The following EXOC6 variants were observed in gnomAD, a reference collection of about 807,000 sequenced individuals.
EXOC6 encodes SEC15-like 1.
Under a neutral mutation model 112.5 loss-of-function variants are expected in EXOC6, and 60 were observed. The ratio of observed to expected loss-of-function variants is 0.53; its 90% CI spans 0.43 to 0.66. The LOEUF (loss-of-function observed/expected upper bound fraction) is 0.66. Among genes scored for constraint, EXOC6 ranks in the 30% least tolerant of loss-of-function variants. The pLI, the probability that EXOC6 is intolerant of heterozygous loss-of-function variation, is 0.00. For missense variants in EXOC6, 855 were observed against 957.1 expected, an observed-to-expected ratio of 0.89 and a Z score of 1.41; for synonymous variants, 295 against 308.0, an observed-to-expected ratio of 0.96 and a Z score of 0.44.
chr10:92,834,822 A>C (rs1481407523), exon 1 of EXOC6: 3 of 1,587,498 alleles, frequency 1.9e-6, no homozygotes, highest in Non-Finnish European at 2.6e-6. Context: ...AAGCTACTTT[A>C]AGGTAGGGCA....
intron 17 of EXOC6, among the ~76,000 whole-genome samples, chr10:92,968,806 T>G (rs1447785273): frequency 6.6e-6 from 1 of 152,194 alleles, no homozygotes; most frequent in Non-Finnish European, 1.5e-5. Context: ...ATTTCATAAA[T>G]AAGAAATTAA....
chr10:93,016,369 G>A (rs1234281760), intron 20 of EXOC6, among the ~76,000 whole-genome samples: 2 of 151,548 alleles, frequency 1.3e-5, no homozygotes, highest in Non-Finnish European at 2.9e-5. Flanking sequence ...TCGAACTCCC[G>A]GCATCAAGTG....
At position 92,867,414 on chromosome 10, in the gene EXOC6, C is replaced by T. The variant is rs574859532; in HGVS notation, c.101+18780C>T. Among the ~76,000 whole-genome samples the T allele has an allele frequency of 1.2e-4, 18 of 152,084 alleles. No individual in the cohort carries two copies. The South Asian group carries it at 2.1e-3, about 18-fold the overall frequency. On this transcript the variant is annotated intron_variant, in intron 1 of 21. Transcript: ENST00000260762. Reference sequence around the variant, plus strand: ...TAATTTGTAGAGAGGATGGGGGAAGCGGGGATGACCCAGAGAAACAGGCAG... The same window carrying T: ...TAATTTGTAGAGAGGATGGGGGAAGTGGGGATGACCCAGAGAAACAGGCAG...
intron 19 of EXOC6, among the ~76,000 whole-genome samples, chr10:93,003,145 G>C (rs953545189): frequency 1.3e-5 from 2 of 152,156 alleles, no homozygotes; most frequent in Non-Finnish European, 2.9e-5. Context: ...TTCTGTGCTA[G>C]ATTTTCCTTT....
chr10:92,999,218 T>TA (rs34012007), intron 19 of EXOC6: 7 of 413,004 alleles, frequency 1.7e-5, no homozygotes, highest in Non-Finnish European at 3.3e-5. Flanking sequence ...TTTTTTTTTT[T>TA]ACAAGTTTTT....
At position 92,915,924 on chromosome 10, in the gene EXOC6, T is replaced by C. The variant is rs769159504; in HGVS notation, c.819+11T>C. On this transcript the variant is annotated intron_variant, in intron 7 of 21. Coordinates refer to ENST00000260762, the MANE Select transcript of EXOC6 (RefSeq NM_019053.6). Reference sequence around the variant, plus strand: ...GAGAATGAAGAAGAGGTGATAGGTGTCTTTCTTTCTTTTCTATTATTAGAT... The same window carrying C: ...GAGAATGAAGAAGAGGTGATAGGTGCCTTTCTTTCTTTTCTATTATTAGAT... 2.0e-6 allele frequency: 3 copies of C among 1,496,060 alleles called. No homozygotes were observed. The highest frequency in any genetic ancestry group is 5.3e-5 in the East Asian group (2 of 38,030). The allele number at this position is 1,496,060 out of a possible 1,614,324, so 92.7% of individuals were successfully genotyped here. A position where few individuals can be genotyped will look rare whatever the true frequency, so the allele number is the denominator to read the frequency against.
At chr10:92,996,102 GAA>G (rs1050943742) in intron 18 of EXOC6, among the ~76,000 whole-genome samples, 1 of 152,000 alleles carries the variant, frequency 6.6e-6, no homozygotes, top group African/African-American at 2.4e-5. Flanking sequence ...AGATAAGTAG[GAA>G]AAATATAATT....
intron 1 of EXOC6, chr10:92,834,916 A>G (rs1313298351): frequency 2.9e-6 from 2 of 688,136 alleles, no homozygotes; most frequent in Non-Finnish European, 4.8e-6. Context: ...AGAGTAAAAA[A>G]TATTCTTGCA....
intron 5 of EXOC6, among the ~76,000 whole-genome samples, chr10:92,907,560 A>G (rs1850514519): frequency 6.6e-6 from 1 of 152,160 alleles, no homozygotes; most frequent in Admixed American, 6.6e-5. Context: ...TACTGGTAAT[A>G]CTTTTCATTT....
intron 8 of EXOC6, among the ~76,000 whole-genome samples, chr10:92,926,257 A>C (rs562406995): frequency 2.6e-5 from 4 of 152,040 alleles, no homozygotes; most frequent in Admixed American, 1.3e-4. Context: ...TGATAATTTC[A>C]CTCAGAAGAA....
chr10:92,911,955 G>A (rs927152233), intron 6 of EXOC6, among the ~76,000 whole-genome samples: 2 of 150,116 alleles, frequency 1.3e-5, no homozygotes, highest in Non-Finnish European at 3.0e-5. Flanking sequence ...GTGTGTGTGT[G>A]TGTGTGTGTG....
At chr10:92,883,617 A>C (rs1322485392) in intron 1 of EXOC6, among the ~76,000 whole-genome samples, 3 of 152,196 alleles carry the variant, frequency 2.0e-5, no homozygotes, top group Non-Finnish European at 2.9e-5. Context: ...TATATGCTAG[A>C]AATTAAGCTT....
At chr10:92,858,473 A>G (rs766427859) in intron 1 of EXOC6, among the ~76,000 whole-genome samples, 24 of 151,840 alleles carry the variant, frequency 1.6e-4, no homozygotes, top group African/African-American at 5.8e-4. Flanking sequence ...CTCTGATTGC[A>G]TAATCAGACT....
chr10:92,881,994 A>G (rs948016853), intron 1 of EXOC6, among the ~76,000 whole-genome samples: 1 of 152,124 alleles, frequency 6.6e-6, no homozygotes, highest in Admixed American at 6.6e-5. Flanking sequence ...CTTTTTCTTT[A>G]TCAATTACCC....
chr10:92,970,389 T>C (rs1258312914), intron 17 of EXOC6, among the ~76,000 whole-genome samples: 1 of 152,224 alleles, frequency 6.6e-6, no homozygotes, highest in Non-Finnish European at 1.5e-5. Flanking sequence ...GTTTAAAATA[T>C]ACAGGAGGAT....
At chr10:92,974,739 T>C (rs1345790815) in intron 18 of EXOC6, among the ~76,000 whole-genome samples, 1 of 152,170 alleles carries the variant, frequency 6.6e-6, no homozygotes, top group Non-Finnish European at 1.5e-5. Flanking sequence ...CTGGTTTTCG[T>C]ATTTTTTTGG....
intron 15 of EXOC6, 134 bp downstream of exon 15, chr10:92,952,516 A>C: frequency 1.5e-6 from 1 of 657,174 alleles, no homozygotes; most frequent in Non-Finnish European, 2.7e-6. Context: ...ATAGGGGCAT[A>C]TTGTGTAATG....
At chr10:92,861,766 T>C (rs1847921409) in intron 1 of EXOC6, among the ~76,000 whole-genome samples, 1 of 152,236 alleles carries the variant, frequency 6.6e-6, no homozygotes, top group Admixed American at 6.5e-5. Context: ...GTATATTTTC[T>C]TGGATAAATG....
At chr10:92,896,982 A>T in intron 4 of EXOC6, among the ~76,000 whole-genome samples, 1 of 152,186 alleles carries the variant, frequency 6.6e-6, no homozygotes. Context: ...TTGGCTTATT[A>T]TGTTAAGTTT....
Sources: gnomAD v4.1 joint callset for allele counts (sites outside exome capture counted in the v4.1 genomes callset) on GRCh38, gnomAD v4.1.1 for gene constraint, MANE v1.5 for transcripts, NCBI Gene and HGNC (gene_info 2026-07-23, HGNC 2026-07-21) for gene names.